Variants in GRIA4 observed in about 807,000 individuals in gnomAD.
The protein encoded by GRIA4 is glutamate ionotropic receptor AMPA type subunit 4.
GRIA4 carries 34 observed loss-of-function variants against 104.0 expected under a neutral mutation model. That is an observed-to-expected ratio of 0.33 (90% CI 0.25 to 0.44). The LOEUF (loss-of-function observed/expected upper bound fraction) is 0.44, where lower values mean the gene tolerates loss of function less well. GRIA4 is among the 20% of genes least tolerant of loss of function. The probability of loss-of-function intolerance (pLI) is 1.00; values close to 1 mark genes in which losing one functional copy is unlikely to be tolerated. For missense variants in GRIA4, 750 were observed against 1,096.5 expected, an observed-to-expected ratio of 0.68 and a Z score of 4.46; for synonymous variants, 386 against 381.9, an observed-to-expected ratio of 1.01 and a Z score of -0.13.
chr11:105,917,817 T>G (rs1447351698), intron 10 of GRIA4, among the ~76,000 whole-genome samples: 3 of 85,696 alleles, frequency 3.5e-5, no homozygotes, highest in East Asian at 5.8e-4. Flanking sequence ...GGTTTAAGGG[T>G]GTGTGTGTGT....
At chr11:105,640,147 G>A (rs1951318784) in intron 3 of GRIA4, among the ~76,000 whole-genome samples, 1 of 151,884 alleles carries the variant, frequency 6.6e-6, no homozygotes, top group East Asian at 1.9e-4. Context: ...ATCTGATGCA[G>A]ATGTTTCCCT....
intron 4 of GRIA4, among the ~76,000 whole-genome samples, chr11:105,809,980 T>C (rs764433819): frequency 6.6e-6 from 1 of 152,094 alleles, no homozygotes; most frequent in Non-Finnish European, 1.5e-5. Context: ...CTCCCATATA[T>C]AAATTTTTAA....
At chr11:105,930,665 C>A (rs570340810) in intron 13 of GRIA4, among the ~76,000 whole-genome samples, 1 of 152,070 alleles carries the variant, frequency 6.6e-6, no homozygotes. Flanking sequence ...AAATACCAAA[C>A]CCTAAAAACA....
intron 4 of GRIA4, among the ~76,000 whole-genome samples, chr11:105,844,948 CTAGGCA>C (rs1279224261): frequency 6.6e-6 from 1 of 152,222 alleles, no homozygotes; most frequent in Non-Finnish European, 1.5e-5. Context: ...GTAAGACTGC[CTAGGCA>C]TGTGTTCAGG....
chr11:105,877,720 G>A (rs779474584), intron 5 of GRIA4, among the ~76,000 whole-genome samples: 13 of 151,948 alleles, frequency 8.6e-5, no homozygotes, highest in Non-Finnish European at 1.6e-4. Flanking sequence ...ATTTGTGTAC[G>A]CTTCACGAAG....
rs512672 is a variant in GRIA4, at chr11:105,872,816, C to T, written c.672+10608C>T. Among the ~76,000 whole-genome samples, 1,056 of 152,002 alleles carry T rather than the reference C, an allele frequency of 6.9e-3. 9 individuals carry two copies. Among genetic ancestry groups the T allele is most frequent in the African/African-American group, 0.024 (978 of 41,456 alleles). On this transcript the variant is annotated intron_variant, in intron 5 of 16. Coordinates refer to ENST00000282499, the MANE Select transcript of GRIA4 (RefSeq NM_000829.4). Reference sequence around the variant, plus strand: ...AAAGTATACCATAAGATGTAAATACCATTGAACTATACTGTGAATAGTTTA... The same window carrying T: ...AAAGTATACCATAAGATGTAAATACTATTGAACTATACTGTGAATAGTTTA...
intron 3 of GRIA4, among the ~76,000 whole-genome samples, chr11:105,743,233 G>A (rs1032670951): frequency 3.9e-5 from 6 of 152,190 alleles, no homozygotes; most frequent in Middle Eastern, 3.4e-3. Flanking sequence ...ATTTCAGGGA[G>A]GTCATCTAGA....
chr11:105,688,190 T>TATC (rs1306656378), intron 3 of GRIA4, among the ~76,000 whole-genome samples: 8,692 of 137,478 alleles, frequency 0.063, 348 homozygotes, highest in South Asian at 0.09. Flanking sequence ...ATCTATCTAT[T>TATC]TATCTATATG....
At chr11:105,699,063 G>C (rs1364098326) in intron 3 of GRIA4, among the ~76,000 whole-genome samples, 2 of 152,114 alleles carry the variant, frequency 1.3e-5, no homozygotes, top group Non-Finnish European at 2.9e-5. Flanking sequence ...TTCGTCAAGT[G>C]CTCATGTCTT....
At chr11:105,724,840 T>A (rs1239970305) in intron 3 of GRIA4, among the ~76,000 whole-genome samples, 1 of 152,164 alleles carries the variant, frequency 6.6e-6, no homozygotes, top group African/African-American at 2.4e-5. Context: ...GTCATATATT[T>A]TTCTCTTCTG....
chr11:105,905,173 C>T (rs1309086629), intron 8 of GRIA4, 24 bp from the exon 9 acceptor site: 5 of 1,250,360 alleles, frequency 4.0e-6, no homozygotes, highest in East Asian at 2.3e-5. Context: ...CAAGTGAACA[C>T]GTGTGGTTTT....
intron 3 of GRIA4, among the ~76,000 whole-genome samples, chr11:105,688,057 G>A (rs1328807459): frequency 6.6e-6 from 1 of 151,768 alleles, no homozygotes; most frequent in Non-Finnish European, 1.5e-5. Context: ...AAACTAGGTA[G>A]TCCTCCTAGG....
At chr11:105,722,723 T>C (rs1031818814) in intron 3 of GRIA4, among the ~76,000 whole-genome samples, 2 of 152,218 alleles carry the variant, frequency 1.3e-5, no homozygotes, top group Admixed American at 6.6e-5. Context: ...TTGTTATACA[T>C]GTATATACAT....
At chr11:105,885,681 G>A (rs1329409384) in intron 5 of GRIA4, among the ~76,000 whole-genome samples, 2 of 152,260 alleles carry the variant, frequency 1.3e-5, no homozygotes, top group East Asian at 3.8e-4. Flanking sequence ...CCTGTACAGA[G>A]TCAACTAAGT....
At chr11:105,956,468 C>T (rs923331394) in intron 14 of GRIA4, among the ~76,000 whole-genome samples, 38 of 152,110 alleles carry the variant, frequency 2.5e-4, no homozygotes, top group Non-Finnish European at 2.5e-4. Context: ...TAGTATTCAA[C>T]GGTGTATATG....
At chr11:105,927,035 G>A (rs1301993041) in intron 13 of GRIA4, 96 bp downstream of exon 13, 3 of 753,364 alleles carry the variant, frequency 4.0e-6, no homozygotes, top group Non-Finnish European at 6.7e-6. Flanking sequence ...CTATTATAAG[G>A]TTTACAAACA....
chr11:105,831,462 T>C (rs1189602166), intron 4 of GRIA4, among the ~76,000 whole-genome samples: 1 of 151,998 alleles, frequency 6.6e-6, no homozygotes, highest in African/African-American at 2.4e-5. Context: ...AAAAGGACAC[T>C]GTTGGGGGCT....
chr11:105,649,124 T>C (rs1448985499), intron 3 of GRIA4, among the ~76,000 whole-genome samples: 1 of 152,102 alleles, frequency 6.6e-6, no homozygotes, highest in Non-Finnish European at 1.5e-5. Context: ...CACAATGAAG[T>C]TTTCATAAAT....
intron 6 of GRIA4, among the ~76,000 whole-genome samples, chr11:105,892,657 C>A (rs1258934175): frequency 6.6e-6 from 1 of 152,122 alleles, no homozygotes; most frequent in Non-Finnish European, 1.5e-5. Context: ...AGTTAAGATT[C>A]CATCAACTTG....
Sources: gnomAD v4.1 joint callset for allele counts (sites outside exome capture counted in the v4.1 genomes callset) on GRCh38, gnomAD v4.1.1 for gene constraint, MANE v1.5 for transcripts, NCBI Gene and HGNC (gene_info 2026-07-23, HGNC 2026-07-21) for gene names.